The following SPATS2L variants were observed in gnomAD, a reference collection of about 807,000 sequenced individuals.
SPATS2L encodes the protein SPATS2-like protein.
A neutral mutation model predicts 59.6 loss-of-function variants in SPATS2L; 30 were observed. The ratio of observed to expected loss-of-function variants is 0.50; its 90% confidence interval spans 0.38 to 0.68. The LOEUF (loss-of-function observed/expected upper bound fraction) is 0.68. Among genes scored for constraint, SPATS2L ranks in the 30% least tolerant of loss-of-function variants. SPATS2L has a pLI of 0.00. For synonymous variants in SPATS2L, 252 were observed against 263.5 expected, an observed-to-expected ratio of 0.96 and a Z score of 0.42; for missense variants, 615 against 700.0, an observed-to-expected ratio of 0.88 and a Z score of 1.37.
chr2:200,374,515 G>A (rs1183129053), intron 2 of SPATS2L, among the ~76,000 whole-genome samples: 1 of 151,902 alleles, frequency 6.6e-6, no homozygotes, highest in Non-Finnish European at 1.5e-5. Flanking sequence ...TGATCCCCCT[G>A]TGCATGGCAA....
At chr2:200,458,305 A>C (rs903627943) in intron 8 of SPATS2L, among the ~76,000 whole-genome samples, 7 of 152,148 alleles carry the variant, frequency 4.6e-5, no homozygotes, top group South Asian at 2.1e-4. Flanking sequence ...AAAAAGAGAG[A>C]TGTCTTTTGT....
intron 3 of SPATS2L, among the ~76,000 whole-genome samples, chr2:200,394,865 C>T (rs1470427333): frequency 1.3e-5 from 2 of 152,094 alleles, no homozygotes; most frequent in Non-Finnish European, 2.9e-5. Context: ...CTCAGGTAGG[C>T]TTCACAATAC....
Position 200,480,315 on chromosome 2 carries a change from C to T in SPATS2L, c.*2284C>T, listed in dbSNP as rs1379514704. On this transcript the variant is annotated 3_prime_UTR_variant, in exon 13 of 13. Coordinates refer to ENST00000409140, the MANE Select transcript of SPATS2L (RefSeq NM_001100423.2). Reference sequence around the variant, plus strand: ...ATGCTAAAAAGTGCTCAGACCTGATCACATTTTTTCCAATATTTTTTCCTT... The same window carrying T: ...ATGCTAAAAAGTGCTCAGACCTGATTACATTTTTTCCAATATTTTTTCCTT... 4 of 148,310 alleles carry T rather than the reference C, an allele frequency of 2.7e-5. No individual in the cohort carries two copies. The highest frequency in any genetic ancestry group is 4.4e-5 in the Non-Finnish European group (3 of 67,626). The allele number at this position is 148,310 out of a possible 1,614,324, so 9.2% of individuals were successfully genotyped here.
At chr2:200,439,028 TAAACAA>T in intron 6 of SPATS2L, 88 bp from the exon 7 acceptor site, 2 of 1,040,364 alleles carry the variant, frequency 1.9e-6, no homozygotes, top group Non-Finnish European at 2.9e-6. Flanking sequence ...TGCCAATATG[TAAACAA>T]AAACAAAAAT....
At position 200,312,721 on chromosome 2, in the gene SPATS2L, G is replaced by A. The variant is rs147695650; in HGVS notation, c.-73+5799G>A. Among the ~76,000 whole-genome samples the A allele has an allele frequency of 5.3e-3, 812 of 152,308 alleles. 10 individuals carry two copies. Among genetic ancestry groups the A allele is most frequent in the African/African-American group, 0.017 (727 of 41,548 alleles). ...AGCTGGTATAAAGCCCAGGCAGTTT[G>A]CGGGCAGAAACTGCATATGCACTGA... On this transcript the variant is annotated intron_variant, in intron 1 of 12. Transcript: ENST00000409140.
intron 1 of SPATS2L, among the ~76,000 whole-genome samples, chr2:200,307,498 G>A (rs2079063039): frequency 6.6e-6 from 1 of 152,032 alleles, no homozygotes; most frequent in African/African-American, 2.4e-5. Context: ...CGCGCTGCGC[G>A]GGTGGGCTGG....
In SPATS2L at chr2:200,306,818, C is replaced by T; in HGVS notation, c.-177C>T. 1.0e-6 allele frequency: 1 copy of T among 980,814 alleles called. No individual in the cohort carries two copies. The highest frequency in any genetic ancestry group is 1.2e-6 in the Non-Finnish European group (1 of 828,136). 60.8% of individuals were successfully genotyped at this position (980,814 alleles called of 1,614,324 possible). Reference sequence around the variant, plus strand: ...AGGCAGCGGCTCCCGCTCGGCCCGCCCTCCGAGCCGCAGGGGCCGCCACCG... The same window carrying T: ...AGGCAGCGGCTCCCGCTCGGCCCGCTCTCCGAGCCGCAGGGGCCGCCACCG... On this transcript the variant is annotated 5_prime_UTR_variant, in exon 1 of 13. Transcript: ENST00000409140.
intron 10 of SPATS2L, among the ~76,000 whole-genome samples, chr2:200,469,483 T>C (rs1299332044): frequency 2.0e-5 from 3 of 152,198 alleles, no homozygotes; most frequent in African/African-American, 2.4e-5. Context: ...ACTAAAGGCT[T>C]TGTGGACGTC....
chr2:200,440,710 T>C lies in SPATS2L; in HGVS notation c.714T>C (p.Tyr238=), dbSNP rs2084637632. The C allele has an allele frequency of 3.1e-6, 5 of 1,613,682 alleles. No individual in the cohort carries two copies. Among genetic ancestry groups the C allele is most frequent in the South Asian group, 1.1e-5 (1 of 91,076 alleles). ...GCTGCACCGTTTCTCTAACTAGATA[T>C]CGCGTCATGATTAAGGAAGAAGTGG... ...LQRCTVSLTR[Y]RVMIKEEVDS... The change falls in exon 8 of 13, where the codon TAT becomes TAC. Residue 238 remains tyrosine, a synonymous_variant. Coordinates refer to ENST00000409140, the MANE Select transcript of SPATS2L (RefSeq NM_001100423.2).
At chr2:200,313,595 A>C (rs1408496870) in intron 1 of SPATS2L, among the ~76,000 whole-genome samples, 1 of 152,118 alleles carries the variant, frequency 6.6e-6, no homozygotes, top group Non-Finnish European at 1.5e-5. Context: ...ACATATAAAC[A>C]TGCATAAGTC....
At chr2:200,470,103 C>G in intron 11 of SPATS2L, 87 bp downstream of exon 11, 3 of 1,063,054 alleles carry the variant, frequency 2.8e-6, no homozygotes, top group South Asian at 1.5e-5. Flanking sequence ...GGTGTGCAGT[C>G]CCCCCAGGGG....
chr2:200,463,034 T>C (rs1292406971), intron 9 of SPATS2L, among the ~76,000 whole-genome samples: 1 of 146,248 alleles, frequency 6.8e-6, no homozygotes, highest in Admixed American at 6.7e-5. Context: ...CCTGATACAA[T>C]ATGTGTGCAA....
chr2:200,453,562 A>C (rs1186394983), intron 8 of SPATS2L, among the ~76,000 whole-genome samples: 1 of 152,210 alleles, frequency 6.6e-6, no homozygotes, highest in African/African-American at 2.4e-5. Flanking sequence ...CCTGCCTTGC[A>C]ACTAGTGGGC....
At chr2:200,306,030 G>C (rs1256212875), upstream of SPATS2L, 1 of 985,154 alleles carries the variant, frequency 1.0e-6, no homozygotes, top group African/African-American at 1.7e-5. Context: ...GTGTAACTTG[G>C]TTATTACACA....
At position 200,309,325 on chromosome 2, in the gene SPATS2L, A is replaced by G. The variant is rs184540397; in HGVS notation, c.-73+2403A>G. The stretch of plus-strand genomic sequence containing the variant: ...AAGAACTTCTGGTTACAGTTTGGAT[A>G]GGATGGAAAAAGTTGTGGTTGCTCT... On this transcript the variant is annotated intron_variant, in intron 1 of 12. Coordinates refer to ENST00000409140, the MANE Select transcript of SPATS2L (RefSeq NM_001100423.2). Among the ~76,000 whole-genome samples the G allele has an allele frequency of 2.3e-3, 357 of 152,366 alleles. 1 individual carries two copies. Among genetic ancestry groups the G allele is most frequent in the African/African-American group, 7.6e-3 (318 of 41,578 alleles).
At chr2:200,419,641 T>C (rs903454061) in intron 6 of SPATS2L, 145 bp downstream of exon 6, 5 of 876,806 alleles carry the variant, frequency 5.7e-6, no homozygotes, top group African/African-American at 3.4e-5. Context: ...GAAGCCAGGA[T>C]TGGGGGTGAA....
intron 12 of SPATS2L, among the ~76,000 whole-genome samples, chr2:200,473,837 T>C (rs2087276083): frequency 6.6e-6 from 1 of 152,054 alleles, no homozygotes; most frequent in Non-Finnish European, 1.5e-5. Context: ...CTGTCTCTAC[T>C]AAAAACACAA....
At chr2:200,456,983 A>G (rs2085882246) in intron 8 of SPATS2L, among the ~76,000 whole-genome samples, 1 of 152,062 alleles carries the variant, frequency 6.6e-6, no homozygotes, top group Non-Finnish European at 1.5e-5. Flanking sequence ...GCTCTCCCAC[A>G]AAGAATGTCG....
chr2:200,481,308 A>C lies in SPATS2L; in HGVS notation c.*3277A>C, dbSNP rs2087768837. 2.0e-5 allele frequency: 3 copies of C among 152,352 alleles called. No homozygotes were observed. In the South Asian group the frequency reaches 6.2e-4, roughly 32 times the overall value. The allele number at this position is 152,352 out of a possible 1,614,324, so 9.4% of individuals were successfully genotyped here. A position where few individuals can be genotyped will look rare whatever the true frequency, so the allele number is the denominator to read the frequency against. On this transcript the variant is annotated 3_prime_UTR_variant, in exon 13 of 13. Coordinates refer to ENST00000409140, the MANE Select transcript of SPATS2L (RefSeq NM_001100423.2). ...AGGACATCAAATGAGGTTAATGGGA[A>C]ACGTTACCAGATTAAAAGCAGTTTT...
Sources: gnomAD v4.1 joint callset for allele counts (sites outside exome capture counted in the v4.1 genomes callset) on GRCh38, gnomAD v4.1.1 for gene constraint, MANE v1.5 for transcripts, NCBI Gene and HGNC (gene_info 2026-07-23, HGNC 2026-07-21) for gene names.